Variants in CABP1 observed in about 807,000 individuals in gnomAD.
CABP1 encodes the protein calcium binding protein 1.
A neutral mutation model predicts 34.3 loss-of-function variants in CABP1; 17 were observed. The observed-to-expected ratio is 0.50, with a 90% confidence interval of 0.34 to 0.74. The LOEUF is 0.74. Among genes scored for constraint, CABP1 ranks in the 30% least tolerant of loss-of-function variants. The pLI, the probability that CABP1 is intolerant of heterozygous loss-of-function variation, is 0.01. For missense variants in CABP1, 373 were observed against 511.1 expected (o/e 0.73, Z 2.61); for synonymous variants, 198 against 229.2 (o/e 0.86, Z 1.23).
At chr12:120,677,390 C>CTTTTTTT in the CABP1 span, among the ~76,000 whole-genome samples, 19 of 76,794 alleles carry the variant, frequency 2.5e-4, 2 homozygotes, top group African/African-American at 9.0e-4. Context: ...GCCCAGCCTT[C>CTTTTTTT]TTTTTTTTTT....
intron 1 of CABP1, among the ~76,000 whole-genome samples, chr12:120,654,346 C>G (rs1180472530): frequency 6.6e-6 from 1 of 152,096 alleles, no homozygotes; most frequent in African/African-American, 2.4e-5. Context: ...GGTCTGTAGT[C>G]CCACAGGGCT....
chr12:120,657,170 G>C (rs1880283869), intron 1 of CABP1, among the ~76,000 whole-genome samples: 1 of 152,160 alleles, frequency 6.6e-6, no homozygotes, highest in African/African-American at 2.4e-5. Context: ...CTGAATTATG[G>C]ATTTTATGTT....
chr12:120,656,120 A>G (rs1368806201), intron 1 of CABP1: 8 of 1,614,190 alleles, frequency 5.0e-6, no homozygotes, highest in Middle Eastern at 1.6e-4. Flanking sequence ...GACCAGCTAC[A>G]TGGTGGTGCA....
At chr12:120,642,947 CAT>C (rs922760604) in intron 1 of CABP1, among the ~76,000 whole-genome samples, 15 of 120,044 alleles carry the variant, frequency 1.2e-4, no homozygotes, top group African/African-American at 5.0e-4. Flanking sequence ...GGCCTAGAAT[CAT>C]ACACTTTCTG....
intron 1 of CABP1, chr12:120,650,462 C>A: frequency 1.4e-6 from 2 of 1,457,146 alleles, no homozygotes; most frequent in South Asian, 1.4e-5. Context: ...AGAGCAGGAG[C>A]AGGCAGACGA....
downstream of CABP1, among the ~76,000 whole-genome samples, chr12:120,671,267 T>C (rs1197113400): frequency 6.6e-6 from 1 of 152,122 alleles, no homozygotes; most frequent in Non-Finnish European, 1.5e-5. Context: ...TAGCCAGGCA[T>C]GGTGGTGCGC....
chr12:120,650,275 A>T (rs1836190194), intron 1 of CABP1: 2 of 308,368 alleles, frequency 6.5e-6, no homozygotes, highest in Non-Finnish European at 6.1e-6. Flanking sequence ...CGCTAATCTG[A>T]TGTAGATGAT....
At chr12:120,655,561 C>G in intron 1 of CABP1, 1 of 1,248,388 alleles carries the variant, frequency 8.0e-7, no homozygotes, top group Middle Eastern at 3.2e-4. Context: ...CAAGCCTGGT[C>G]TCCATGCTGC....
At chr12:120,677,072 T>C in the CABP1 span, among the ~76,000 whole-genome samples, 4 of 149,044 alleles carry the variant, frequency 2.7e-5, 1 homozygote, top group South Asian at 4.2e-4. Flanking sequence ...AGGCATTCTC[T>C]TGAAGTTTGT....
chr12:120,643,995 A>G (rs918540649), intron 1 of CABP1, among the ~76,000 whole-genome samples: 1 of 152,238 alleles, frequency 6.6e-6, no homozygotes, highest in Non-Finnish European at 1.5e-5. Flanking sequence ...GGAAACAGGG[A>G]TGAAAACTCT....
chr12:120,668,010 A>G (rs1881105892), downstream of CABP1, among the ~76,000 whole-genome samples: 2 of 152,240 alleles, frequency 1.3e-5, no homozygotes, highest in Non-Finnish European at 2.9e-5. Flanking sequence ...AGAGACAGGC[A>G]TGAGAGAAAC....
rs1448643205 is a variant in CABP1, at chr12:120,641,436, TC to T, written c.654+102del. ...CACAGCCTCCTCCCGCGGCCCGTGG[TC>T]CCCCACGGATCACGCCTCGGCTCAC... On this transcript the variant is annotated intron_variant, in intron 1 of 5. Coordinates refer to ENST00000316803, the MANE Select transcript of CABP1 (RefSeq NM_001033677.2). The surrounding 1 kb of genome is among the most constrained non-coding windows in gnomAD (Gnocchi z 6.7). 2.9e-5 allele frequency: 35 copies of T among 1,188,776 alleles called. No individual in the cohort carries two copies. The highest frequency in any genetic ancestry group is 8.5e-5 in the Admixed American group (2 of 23,454). The allele number at this position is 1,188,776 out of a possible 1,614,324, so 73.6% of individuals were successfully genotyped here.
At position 120,664,597 on chromosome 12, in the gene CABP1, G is replaced by A. The variant is rs1880848939; in HGVS notation, c.1088-2278G>A. On this transcript the variant is annotated intron_variant, in intron 5 of 5. Transcript: ENST00000316803. ...TGCTAAAAAGAGATGAGCTAGGCCAGGCGCTGTGGCTCATGCCTGTAATCC... is the reference window on the plus strand; with the variant it reads ...TGCTAAAAAGAGATGAGCTAGGCCAAGCGCTGTGGCTCATGCCTGTAATCC... Among the ~76,000 whole-genome samples, 9 of 152,358 alleles carry A rather than the reference G, an allele frequency of 5.9e-5. No individual in the cohort carries two copies. The South Asian group carries it at 1.7e-3, about 28-fold the overall frequency.
chr12:120,656,017 C>T (rs1182628255), intron 1 of CABP1: 1 of 1,603,110 alleles, frequency 6.2e-7, no homozygotes, highest in Non-Finnish European at 8.5e-7. Flanking sequence ...GAAAGCCCCT[C>T]CCGGGACCAG....
intron 1 of CABP1, among the ~76,000 whole-genome samples, chr12:120,657,784 A>C (rs1453100440): frequency 6.6e-6 from 1 of 152,154 alleles, no homozygotes; most frequent in Non-Finnish European, 1.5e-5. Flanking sequence ...GAGGAACGGA[A>C]GGGGCTGCCA....
chr12:120,648,302 T>C (rs1879643344), intron 1 of CABP1, among the ~76,000 whole-genome samples: 1 of 152,208 alleles, frequency 6.6e-6, no homozygotes, highest in South Asian at 2.1e-4. Context: ...CAGATAACTG[T>C]GTCCCAGCTC....
chr12:120,647,813 C>G (rs1471841941), intron 1 of CABP1, among the ~76,000 whole-genome samples: 1 of 150,310 alleles, frequency 6.7e-6, no homozygotes, highest in African/African-American at 2.5e-5. Flanking sequence ...AACTCCTGAC[C>G]TCAGGTGATC....
chr12:120,660,457 G>A lies in CABP1; in HGVS notation c.829+118G>A. 1 of 1,141,240 alleles carries A rather than the reference G, an allele frequency of 8.8e-7. No individual in the cohort carries two copies. The highest frequency in any genetic ancestry group is 1.2e-6 in the Non-Finnish European group (1 of 810,094). The allele number at this position is 1,141,240 out of a possible 1,614,324, so 70.7% of individuals were successfully genotyped here. A position where few individuals can be genotyped will look rare whatever the true frequency, so the allele number is the denominator to read the frequency against. On this transcript the variant is annotated intron_variant, in intron 3 of 5. Coordinates refer to ENST00000316803, the MANE Select transcript of CABP1 (RefSeq NM_001033677.2). The surrounding 1 kb of genome is among the most constrained non-coding windows in gnomAD (Gnocchi z 5.0). The stretch of plus-strand genomic sequence containing the variant: ...CCTCTTACCAGCTCTGTGATCTGGG[G>A]CCAACCACTTACCCTCTCTGAGCCT...
chr12:120,655,719 G>T, intron 1 of CABP1: 1 of 1,447,048 alleles, frequency 6.9e-7, no homozygotes. Context: ...GTCTCATTAG[G>T]CTCTGAGTGA....
Sources: allele counts gnomAD v4.1 joint callset (sites outside exome capture counted in the v4.1 genomes callset), GRCh38; gene constraint gnomAD v4.1.1; non-coding constraint Gnocchi (gnomAD v3.1); transcripts MANE v1.5; gene names NCBI Gene and HGNC (gene_info 2026-07-23, HGNC 2026-07-21).